DOCK7: variants seen among roughly 807,000 people sequenced by gnomAD.
The protein encoded by DOCK7 is dedicator of cytokinesis protein 7.
Under a neutral mutation model 271.0 loss-of-function variants are expected in DOCK7, and 138 were observed. That is an observed-to-expected ratio of 0.51 (90% CI 0.44 to 0.59). The LOEUF (loss-of-function observed/expected upper bound fraction) is 0.59, where lower values mean the gene tolerates loss of function less well. Among genes scored for constraint, DOCK7 ranks in the 20% least tolerant of loss-of-function variants. The probability of loss-of-function intolerance (pLI) is 0.00; values close to 1 mark genes in which losing one functional copy is unlikely to be tolerated. For synonymous variants in DOCK7, 823 were observed against 876.1 expected (o/e 0.94, Z 1.07); for missense variants, 2,066 against 2,592.4 (o/e 0.80, Z 4.41).
chr1:62,636,710 C>T, intron 7 of DOCK7, 107 bp from the exon 8 acceptor site: 1 of 871,662 alleles, frequency 1.1e-6, no homozygotes, highest in South Asian at 1.7e-5. Context: ...CAGTTTTCTA[C>T]ACCTGTGCCT....
intron 12 of DOCK7, among the ~76,000 whole-genome samples, chr1:62,624,711 G>A (rs1653717139): frequency 6.6e-6 from 1 of 152,156 alleles, no homozygotes; most frequent in African/African-American, 2.4e-5. Context: ...TGGACATGGT[G>A]GCTCACACCT....
intron 18 of DOCK7, among the ~76,000 whole-genome samples, chr1:62,564,625 C>T (rs1472726797): frequency 6.6e-6 from 1 of 152,084 alleles, no homozygotes; most frequent in Non-Finnish European, 1.5e-5. Flanking sequence ...GACACCCTAA[C>T]ATCACAATTA....
intron 7 of DOCK7, among the ~76,000 whole-genome samples, chr1:62,645,411 TA>T (rs886666922): frequency 1.5e-3 from 208 of 142,684 alleles, no homozygotes; most frequent in Middle Eastern, 3.5e-3. Context: ...AAACTAAGTT[TA>T]AAAAAAAAAA....
intron 5 of DOCK7, 24 bp from the exon 6 acceptor site, chr1:62,648,342 A>G: frequency 6.9e-7 from 1 of 1,452,626 alleles, no homozygotes; most frequent in Non-Finnish European, 9.1e-7. Flanking sequence ...CATTAAATAT[A>G]AATATATTAA....
chr1:62,625,094 A>G (rs1235724974), intron 12 of DOCK7, 165 bp downstream of exon 12: 1 of 520,652 alleles, frequency 1.9e-6, no homozygotes, highest in Non-Finnish European at 3.2e-6. Flanking sequence ...AACAATATAA[A>G]TCGTTTCTCA....
At chr1:62,592,954 T>C (rs1017144156) in intron 14 of DOCK7, among the ~76,000 whole-genome samples, 19 of 152,220 alleles carry the variant, frequency 1.2e-4, no homozygotes, top group African/African-American at 3.9e-4. Flanking sequence ...ATACTGTTTA[T>C]AATTAGAAAA....
chr1:62,601,384 T>A (rs986267298), intron 14 of DOCK7, among the ~76,000 whole-genome samples: 5 of 151,590 alleles, frequency 3.3e-5, no homozygotes, highest in Non-Finnish European at 7.4e-5. Flanking sequence ...GAAATACAAA[T>A]ATGGACTTGA....
At chr1:62,627,038 GCCATGACCAAGCAAGA>G (rs1438429937) in intron 11 of DOCK7, among the ~76,000 whole-genome samples, 1 of 152,026 alleles carries the variant, frequency 6.6e-6, no homozygotes, top group Non-Finnish European at 1.5e-5. Context: ...AAGATTACAT[GCCATGACCAAGCAAGA>G]CTTTTCCCAG....
Position 62,646,307 on chromosome 1 carries a change from A to G in DOCK7, c.818+1384T>C, listed in dbSNP as rs151306090. 3.2e-3 allele frequency among the ~76,000 whole-genome samples: 494 copies of G among 152,342 alleles called. 4 individuals carry two copies. The highest frequency in any genetic ancestry group is 0.011 in the African/African-American group (455 of 41,588). ...TCAGAATGGGTAAGCTCATAGAGAC[A>G]AAAAGAAAATTAGTGATTGTCAGGT... On this transcript the variant is annotated intron_variant, in intron 7 of 49. Transcript: ENST00000635253.
intron 10 of DOCK7, among the ~76,000 whole-genome samples, chr1:62,631,938 C>T (rs940299309): frequency 3.3e-5 from 5 of 152,112 alleles, no homozygotes; most frequent in African/African-American, 1.2e-4. Context: ...TAGAAGAAGA[C>T]TAAACGCTGG....
At chr1:62,483,429 C>T (rs1360083038) in intron 43 of DOCK7, 1 of 151,670 alleles carries the variant, frequency 6.6e-6, no homozygotes, top group Non-Finnish European at 1.5e-5. Flanking sequence ...GGGTCTATAC[C>T]AGTCATCAGG....
In DOCK7 at chr1:62,673,658, C is replaced by T. The variant is rs145210966; in HGVS notation, c.39-10528G>A. Among the ~76,000 whole-genome samples the T allele has an allele frequency of 3.8e-3, 584 of 152,252 alleles. 6 individuals carry two copies. Among genetic ancestry groups the T allele is most frequent in the African/African-American group, 0.013 (531 of 41,542 alleles). ...TAAAAATAAACCCAGAGCTGCCTTA[C>T]CCATAAACATACAAAATTATATCCT... On this transcript the variant is annotated intron_variant, in intron 1 of 49. Coordinates refer to ENST00000635253, the MANE Select transcript of DOCK7 (RefSeq NM_001367561.1).
intron 18 of DOCK7, among the ~76,000 whole-genome samples, chr1:62,572,043 A>G (rs2149471009): frequency 6.6e-6 from 1 of 152,294 alleles, no homozygotes; most frequent in Middle Eastern, 3.4e-3. Context: ...CATCCTGCAC[A>G]TGTACTCCAG....
At chr1:62,486,235 T>TA (rs1484299332) in intron 43 of DOCK7, 1 of 152,104 alleles carries the variant, frequency 6.6e-6, no homozygotes, top group Non-Finnish European at 1.5e-5. Context: ...GGTAGATTTA[T>TA]AAAAGTACTG....
intron 7 of DOCK7, among the ~76,000 whole-genome samples, chr1:62,645,068 T>C (rs909916149): frequency 5.3e-5 from 8 of 152,158 alleles, no homozygotes; most frequent in Non-Finnish European, 8.8e-5. Context: ...GGTGAAAACG[T>C]GGAGAAATTA....
chr1:62,651,937 T>C (rs1210222892), intron 4 of DOCK7, among the ~76,000 whole-genome samples: 2 of 152,262 alleles, frequency 1.3e-5, no homozygotes, highest in African/African-American at 4.8e-5. Context: ...TATCCAGTGG[T>C]TGCAGGGAAA....
intron 49 of DOCK7, among the ~76,000 whole-genome samples, chr1:62,456,594 G>A (rs1645354098): frequency 6.6e-6 from 1 of 152,144 alleles, no homozygotes; most frequent in African/African-American, 2.4e-5. Context: ...CTAAAGCTTG[G>A]AGGATTGGCC....
At chr1:62,602,664 AT>A (rs1557784665) in intron 14 of DOCK7, among the ~76,000 whole-genome samples, 2 of 151,690 alleles carry the variant, frequency 1.3e-5, no homozygotes. Flanking sequence ...ATTAAAGACA[AT>A]TTTGATTAAA....
In DOCK7 at chr1:62,647,840, C is replaced by A. The variant is rs746735; in HGVS notation, c.733-64G>T. On this transcript the variant is annotated intron_variant, in intron 6 of 49. Transcript: ENST00000635253. ...TCATATTCCAACTCTTTATCTTTTT[C>A]AGAACTTACTTTACTAATCTAACAC... 807,659 of 1,254,882 alleles carry A rather than the reference C, an allele frequency of 0.64. 264,075 individuals carry two copies. Among genetic ancestry groups the A allele is most frequent in the East Asian group, 0.77 (33,000 of 42,952 alleles). The allele number at this position is 1,254,882 out of a possible 1,614,324, so 77.7% of individuals were successfully genotyped here. A position where few individuals can be genotyped will look rare whatever the true frequency, so the allele number is the denominator to read the frequency against.
Sources: allele counts gnomAD v4.1 joint callset (sites outside exome capture counted in the v4.1 genomes callset), GRCh38; gene constraint gnomAD v4.1.1; transcripts MANE v1.5; gene names NCBI Gene and HGNC (gene_info 2026-07-23, HGNC 2026-07-21).